The following PTPRO variants were observed in gnomAD, a reference collection of about 807,000 sequenced individuals.
PTPRO encodes the protein protein tyrosine phosphatase receptor type O, also known as receptor-type tyrosine-protein phosphatase O.
PTPRO carries 62 observed loss-of-function variants against 145.2 expected under a neutral mutation model. That is an observed-to-expected ratio of 0.43 (90% CI 0.35 to 0.53). PTPRO has a LOEUF of 0.53. Ranked by LOEUF, PTPRO falls within the 20% of genes least tolerant of loss-of-function variation. PTPRO has a pLI of 0.01. For missense variants in PTPRO, 1,345 were observed against 1,482.7 expected (o/e 0.91, Z 1.53); for synonymous variants, 565 against 514.7 (o/e 1.10, Z -1.32).
At chr12:15,548,514 A>G (rs957190808) in intron 13 of PTPRO, among the ~76,000 whole-genome samples, 2 of 145,580 alleles carry the variant, frequency 1.4e-5, no homozygotes, top group African/African-American at 2.6e-5. Flanking sequence ...GTGTGTATAT[A>G]TGTGTGTATA....
At chr12:15,352,232 C>T (rs749917002) in intron 1 of PTPRO, among the ~76,000 whole-genome samples, 3 of 152,146 alleles carry the variant, frequency 2.0e-5, no homozygotes, top group Non-Finnish European at 2.9e-5. Flanking sequence ...CGGTTCTGCC[C>T]AAATTATTTG....
chr12:15,339,887 C>T (rs1866912731), intron 1 of PTPRO, among the ~76,000 whole-genome samples: 1 of 152,106 alleles, frequency 6.6e-6, no homozygotes, highest in Non-Finnish European at 1.5e-5. Context: ...GAATCTAAAC[C>T]TCACCATTAT....
At chr12:15,569,336 AG>A (rs1943982455) in intron 18 of PTPRO, 80 bp from the exon 19 acceptor site, 1 of 1,235,966 alleles carries the variant, frequency 8.1e-7, no homozygotes. Context: ...AAGAAGATTA[AG>A]AAGTATGATA....
chr12:15,322,857 G>A lies in PTPRO; in HGVS notation c.75+56G>A, dbSNP rs1183682537. On this transcript the variant is annotated intron_variant, in intron 1 of 26. Transcript: ENST00000281171. The surrounding 1 kb of genome is among the most constrained non-coding windows in gnomAD (Gnocchi z 6.3). ...GCGGTCCGGGCGGCAGCCGCGCTCC[G>A]GCGCCCTCGCTCTGCCGTTGGGAGC... 3.2e-6 allele frequency: 5 copies of A among 1,561,816 alleles called. No individual in the cohort carries two copies. The highest frequency in any genetic ancestry group is 1.8e-5 in the Admixed American group (1 of 55,382).
intron 10 of PTPRO, 77 bp downstream of exon 10, chr12:15,520,389 A>G: frequency 9.4e-7 from 1 of 1,069,038 alleles, no homozygotes; most frequent in East Asian, 2.4e-5. Flanking sequence ...AAATCTCTAG[A>G]AAGTGCCAGT....
intron 1 of PTPRO, among the ~76,000 whole-genome samples, chr12:15,339,275 T>G (rs966092389): frequency 1.3e-5 from 2 of 152,054 alleles, no homozygotes; most frequent in Admixed American, 1.3e-4. Context: ...AAAATGTAAG[T>G]TATGTTTAGG....
intron 1 of PTPRO, among the ~76,000 whole-genome samples, chr12:15,396,207 C>T (rs1939334865): frequency 6.6e-6 from 1 of 152,040 alleles, no homozygotes; most frequent in South Asian, 2.1e-4. Flanking sequence ...TGAATTCATA[C>T]AGAAATACGT....
intron 1 of PTPRO, among the ~76,000 whole-genome samples, chr12:15,399,854 C>G (rs1939440317): frequency 6.6e-6 from 1 of 151,402 alleles, no homozygotes; most frequent in Non-Finnish European, 1.5e-5. Flanking sequence ...GGTTCGAGAC[C>G]AACCTGGCCA....
chr12:15,488,100 T>C (rs540237710), intron 2 of PTPRO, among the ~76,000 whole-genome samples: 1 of 152,158 alleles, frequency 6.6e-6, no homozygotes, highest in Non-Finnish European at 1.5e-5. Flanking sequence ...TCAAGAATAG[T>C]TATGATTTCG....
At chr12:15,494,357 A>G (rs1942058930) in intron 2 of PTPRO, among the ~76,000 whole-genome samples, 1 of 152,228 alleles carries the variant, frequency 6.6e-6, no homozygotes, top group Non-Finnish European at 1.5e-5. Flanking sequence ...GGCAAGGACT[A>G]TCAGCTTAGA....
chr12:15,349,028 T>A (rs1384332972), intron 1 of PTPRO, among the ~76,000 whole-genome samples: 1 of 152,236 alleles, frequency 6.6e-6, no homozygotes, highest in Non-Finnish European at 1.5e-5. Context: ...GTCTCTTTTT[T>A]ATGGCATTTT....
At chr12:15,413,023 C>T (rs1939843038) in intron 1 of PTPRO, among the ~76,000 whole-genome samples, 1 of 152,114 alleles carries the variant, frequency 6.6e-6, no homozygotes, top group Non-Finnish European at 1.5e-5. Flanking sequence ...GACCTCCTGA[C>T]CTGAGGTGAT....
intron 6 of PTPRO, among the ~76,000 whole-genome samples, 189 bp downstream of exon 6, chr12:15,504,258 T>A (rs899295434): frequency 6.6e-6 from 1 of 152,136 alleles, no homozygotes; most frequent in African/African-American, 2.4e-5. Flanking sequence ...ATAGTAGCAA[T>A]CCTATCCAGG....
intron 25 of PTPRO, among the ~76,000 whole-genome samples, chr12:15,590,881 G>T (rs544756738): frequency 6.6e-6 from 1 of 152,228 alleles, no homozygotes; most frequent in East Asian, 1.9e-4. Context: ...CCACTGTCTG[G>T]TGAGTAAACA....
At position 15,508,716 on chromosome 12, in the gene PTPRO, C is replaced by A. The variant is rs1038297094; in HGVS notation, c.1413C>A (p.Thr471=). Residue 471 remains threonine, a synonymous_variant, in exon 7 of 27, where the codon ACC becomes ACA. Coordinates refer to ENST00000281171, the MANE Select transcript of PTPRO (RefSeq NM_030667.3). ...CCATTGTGTCTGTGGTGTCGCTGAC[C>A]TGCCAGAAACAAAAGGAGAGCCAGA... is the stretch of plus-strand genomic sequence containing the variant. ...NSTIVSVVSL[T]CQKQKESQRL... The A allele has an allele frequency of 6.2e-7, 1 of 1,614,122 alleles. No individual in the cohort carries two copies. The highest frequency in any genetic ancestry group is 1.3e-5 in the African/African-American group (1 of 75,036).
rs1944329130 is a variant in PTPRO at position 15,581,941 on chromosome 12, CAG to C, written c.3255+141_3255+142del. 6.1e-6 allele frequency: 7 copies of C among 1,151,892 alleles called. No homozygotes were observed. In the Admixed American group the frequency reaches 8.0e-5, roughly 13 times the overall value. The allele number at this position is 1,151,892 out of a possible 1,614,324, so 71.4% of individuals were successfully genotyped here. On this transcript the variant is annotated intron_variant, in intron 23 of 26. Coordinates refer to ENST00000281171, the MANE Select transcript of PTPRO (RefSeq NM_030667.3). ...AAATATCGAGTGTGGAGTGGGAAATCAGGGGTCTCACAGCTTTAAGAGCTGAG... is the reference window on the plus strand; with the variant it reads ...AAATATCGAGTGTGGAGTGGGAAATCGGGTCTCACAGCTTTAAGAGCTGAG...
At chr12:15,411,200 C>T (rs1179668645) in intron 1 of PTPRO, among the ~76,000 whole-genome samples, 1 of 151,960 alleles carries the variant, frequency 6.6e-6, no homozygotes, top group African/African-American at 2.4e-5. Flanking sequence ...ATTAATTATC[C>T]AGATTTTTAT....
At position 15,592,794 on chromosome 12, in the gene PTPRO, T is replaced by G. The variant is rs561617685; in HGVS notation, c.3547-2143T>G. ...AACCTAGATAAGTGATTTGAAACTG[T>G]GAAGTGCTACTTATGAATGATGTTC... On this transcript the variant is annotated intron_variant, in intron 25 of 26. Transcript: ENST00000281171. Among the ~76,000 whole-genome samples, 14 of 152,368 alleles carry G rather than the reference T, an allele frequency of 9.2e-5. No individual in the cohort carries two copies. The South Asian group carries it at 2.5e-3, about 27-fold the overall frequency.
chr12:15,372,458 G>C (rs1189202557), intron 1 of PTPRO, among the ~76,000 whole-genome samples: 7 of 152,128 alleles, frequency 4.6e-5, no homozygotes, highest in Admixed American at 4.6e-4. Context: ...AGTCCCTCTT[G>C]TTTGCCCACA....
Sources: allele counts gnomAD v4.1 joint callset (sites outside exome capture counted in the v4.1 genomes callset), GRCh38; gene constraint gnomAD v4.1.1; non-coding constraint Gnocchi (gnomAD v3.1); transcripts MANE v1.5; gene names NCBI Gene and HGNC (gene_info 2026-07-23, HGNC 2026-07-21).